Variants in BMPR1B observed in about 807,000 individuals in gnomAD.
The protein encoded by BMPR1B is bone morphogenetic protein receptor type 1B.
BMPR1B carries 12 observed loss-of-function variants against 59.1 expected under a neutral mutation model. The observed-to-expected ratio is 0.20, with a 90% CI of 0.13 to 0.33. BMPR1B has a LOEUF of 0.33. Ranked by LOEUF, BMPR1B falls within the 10% of genes least tolerant of loss-of-function variation. The pLI, the probability that BMPR1B is intolerant of heterozygous loss-of-function variation, is 1.00. For missense variants in BMPR1B, 550 were observed against 610.9 expected, an observed-to-expected ratio of 0.90 and a Z score of 1.05; for synonymous variants, 237 against 207.3, an observed-to-expected ratio of 1.14 and a Z score of -1.23.
chr4:94,924,481 C>T (rs3821962), intron 2 of BMPR1B, among the ~76,000 whole-genome samples: 15,421 of 152,126 alleles, frequency 0.1, 2,016 homozygotes, highest in African/African-American at 0.3. Context: ...TACCCCATCA[C>T]TGCTCTCAAA....
intron 1 of BMPR1B, among the ~76,000 whole-genome samples, chr4:94,825,398 A>T (rs1369617234): frequency 6.6e-6 from 1 of 152,100 alleles, no homozygotes; most frequent in Non-Finnish European, 1.5e-5. Flanking sequence ...CCAGCTACTC[A>T]GGAGGCAGAG....
chr4:95,139,038 T>G (rs1734017715), intron 10 of BMPR1B, among the ~76,000 whole-genome samples: 2 of 152,274 alleles, frequency 1.3e-5, no homozygotes. Flanking sequence ...CTCCCCATCT[T>G]TGTGGTTTTA....
At chr4:95,021,263 C>T (rs1041167053) in intron 3 of BMPR1B, among the ~76,000 whole-genome samples, 1 of 152,154 alleles carries the variant, frequency 6.6e-6, no homozygotes, top group African/African-American at 2.4e-5. Flanking sequence ...AAGTACAGTA[C>T]TTACTTGGCC....
intron 1 of BMPR1B, among the ~76,000 whole-genome samples, chr4:94,771,583 G>C (rs997677487): frequency 6.6e-6 from 1 of 152,148 alleles, no homozygotes; most frequent in African/African-American, 2.4e-5. Context: ...GATAAAGAGA[G>C]ACAGTGTTTA....
At chr4:95,095,045 A>AT (rs879552796) in intron 3 of BMPR1B, among the ~76,000 whole-genome samples, 6 of 151,138 alleles carry the variant, frequency 4.0e-5, no homozygotes, top group African/African-American at 1.5e-4. Flanking sequence ...TATATATATA[A>AT]TTTTTTTTTC....
chr4:94,847,728 A>G (rs1725392037), intron 1 of BMPR1B, among the ~76,000 whole-genome samples: 1 of 151,332 alleles, frequency 6.6e-6, no homozygotes, highest in Non-Finnish European at 1.5e-5. Context: ...TGTGGGAGCT[A>G]AAATTTAAAC....
At chr4:94,765,743 G>A (rs893425454) in intron 1 of BMPR1B, among the ~76,000 whole-genome samples, 1 of 152,160 alleles carries the variant, frequency 6.6e-6, no homozygotes, top group Non-Finnish European at 1.5e-5. Context: ...ATCCAGATAA[G>A]GAATTTGCAT....
chr4:95,130,451 CG>C, intron 9 of BMPR1B, among the ~76,000 whole-genome samples: 1 of 152,102 alleles, frequency 6.6e-6, no homozygotes, highest in Non-Finnish European at 1.5e-5. Context: ...GATTTTGTTT[CG>C]CAAGTTAGAA....
Position 95,032,377 on chromosome 4 carries a change from C to T in BMPR1B, c.-18+36243C>T, listed in dbSNP as rs934502652. Among the ~76,000 whole-genome samples, 45 of 152,116 alleles carry T rather than the reference C, an allele frequency of 3.0e-4. 1 individual carries two copies. Among genetic ancestry groups the T allele is most frequent in the Non-Finnish European group, 4.4e-5 (3 of 68,022 alleles). ...AATTCTGTGATAGGGTCCTTACTCT[C>T]ATGATGACATCTAAACCAAATTGCT... On this transcript the variant is annotated intron_variant, in intron 3 of 12. Coordinates refer to ENST00000515059, the MANE Select transcript of BMPR1B (RefSeq NM_001203.3).
intron 1 of BMPR1B, among the ~76,000 whole-genome samples, chr4:94,829,838 T>A (rs1578690712): frequency 6.6e-6 from 1 of 152,292 alleles, no homozygotes; most frequent in East Asian, 1.9e-4. Context: ...TATTTTACAG[T>A]GATTGGCTTG....
intron 3 of BMPR1B, among the ~76,000 whole-genome samples, chr4:95,095,929 TA>T: frequency 6.6e-6 from 1 of 151,786 alleles, no homozygotes; most frequent in East Asian, 1.9e-4. Context: ...TAAATACAGT[TA>T]AAACACACTT....
At chr4:94,788,928 A>G (rs1413018176) in intron 1 of BMPR1B, among the ~76,000 whole-genome samples, 2 of 152,136 alleles carry the variant, frequency 1.3e-5, no homozygotes, top group Admixed American at 6.5e-5. Flanking sequence ...TGCTTCTGCC[A>G]TCACCTCACC....
chr4:94,966,533 A>G (rs1730561825), intron 2 of BMPR1B, among the ~76,000 whole-genome samples: 1 of 152,222 alleles, frequency 6.6e-6, no homozygotes, highest in Non-Finnish European at 1.5e-5. Flanking sequence ...TGCAAAGAAT[A>G]AAGAAAAAAA....
intron 1 of BMPR1B, among the ~76,000 whole-genome samples, chr4:94,840,759 A>G (rs1013538645): frequency 2.0e-5 from 3 of 148,322 alleles, no homozygotes; most frequent in African/African-American, 7.5e-5. Context: ...TTCTTCTCTC[A>G]ACTTGTCAAA....
intron 4 of BMPR1B, among the ~76,000 whole-genome samples, chr4:95,113,379 G>T (rs905036410): frequency 3.9e-5 from 6 of 152,118 alleles, no homozygotes; most frequent in African/African-American, 1.4e-4. Flanking sequence ...ACCACTTGAG[G>T]CTTATAAACC....
intron 3 of BMPR1B, among the ~76,000 whole-genome samples, chr4:95,092,529 A>G (rs1730067194): frequency 6.6e-6 from 1 of 152,102 alleles, no homozygotes; most frequent in Admixed American, 6.6e-5. Flanking sequence ...GGTGATGATA[A>G]TAGTTGATAA....
At chr4:95,054,647 T>A (rs1726783275) in intron 3 of BMPR1B, among the ~76,000 whole-genome samples, 1 of 152,168 alleles carries the variant, frequency 6.6e-6, no homozygotes. Flanking sequence ...TCATAATGAA[T>A]ATAGTGCAAT....
At chr4:95,091,161 A>G (rs1057173251) in intron 3 of BMPR1B, among the ~76,000 whole-genome samples, 1 of 152,138 alleles carries the variant, frequency 6.6e-6, no homozygotes, top group African/African-American at 2.4e-5. Flanking sequence ...TCTGCCTTGC[A>G]TAGACGCAGA....
At chr4:95,084,136 T>G (rs1483535522) in intron 3 of BMPR1B, among the ~76,000 whole-genome samples, 2 of 151,878 alleles carry the variant, frequency 1.3e-5, no homozygotes, top group Admixed American at 6.6e-5. Flanking sequence ...GATGTCAGCT[T>G]TAAAATCTAC....
Sources: allele counts gnomAD v4.1 joint callset (sites outside exome capture counted in the v4.1 genomes callset), GRCh38; gene constraint gnomAD v4.1.1; transcripts MANE v1.5; gene names NCBI Gene and HGNC (gene_info 2026-07-23, HGNC 2026-07-21).